Variants in LRMDA observed in about 807,000 individuals in gnomAD.
LRMDA encodes leucine-rich melanocyte differentiation-associated protein.
LRMDA carries 18 observed loss-of-function variants against 29.8 expected under a neutral mutation model. The ratio of observed to expected loss-of-function variants is 0.60; its 90% CI spans 0.42 to 0.90. The LOEUF is 0.90. LRMDA is among the 40% of genes least tolerant of loss of function. LRMDA has a pLI of 0.00. For missense variants in LRMDA, 273 were observed against 273.9 expected, an observed-to-expected ratio of 1.00 and a Z score of 0.02; for synonymous variants, 125 against 109.4, an observed-to-expected ratio of 1.14 and a Z score of -0.89.
chr10:75,643,453 G>T (rs1841478996), intron 2 of LRMDA, among the ~76,000 whole-genome samples: 1 of 152,158 alleles, frequency 6.6e-6, no homozygotes, highest in Admixed American at 6.5e-5. Context: ...ATCCCTTTAT[G>T]GTCCAGCCTC....
intron 2 of LRMDA, among the ~76,000 whole-genome samples, chr10:75,606,998 G>A (rs969155959): frequency 2.0e-5 from 3 of 152,218 alleles, no homozygotes; most frequent in Admixed American, 1.3e-4. Context: ...TAATTAGGAA[G>A]GAGGCCAGTT....
chr10:76,230,736 C>T (rs1388378528), intron 5 of LRMDA, among the ~76,000 whole-genome samples: 1 of 152,116 alleles, frequency 6.6e-6, no homozygotes, highest in African/African-American at 2.4e-5. Context: ...ATTTCAACAA[C>T]AAAGTGCTGA....
At chr10:75,664,661 A>G (rs1454365628) in intron 2 of LRMDA, among the ~76,000 whole-genome samples, 1 of 152,178 alleles carries the variant, frequency 6.6e-6, no homozygotes, top group Non-Finnish European at 1.5e-5. Flanking sequence ...GAGTTGGAAA[A>G]GATGGGAGAA....
chr10:75,775,846 T>C (rs1843304623), intron 2 of LRMDA, among the ~76,000 whole-genome samples: 1 of 152,166 alleles, frequency 6.6e-6, no homozygotes, highest in Non-Finnish European at 1.5e-5. Context: ...AGCGTAGAGG[T>C]AGACCTGGAA....
intron 2 of LRMDA, among the ~76,000 whole-genome samples, chr10:75,927,479 C>A (rs75215925): frequency 0.019 from 2,843 of 152,292 alleles, 61 homozygotes; most frequent in Non-Finnish European, 0.024. Context: ...TTCCAGCCCA[C>A]TCTTCCCAAC....
intron 2 of LRMDA, among the ~76,000 whole-genome samples, chr10:75,681,476 C>T (rs1441846639): frequency 6.6e-6 from 1 of 152,156 alleles, no homozygotes; most frequent in Non-Finnish European, 1.5e-5. Context: ...GGCTCTGCTC[C>T]AGGGTGCAGG....
intron 2 of LRMDA, among the ~76,000 whole-genome samples, chr10:75,630,137 T>A (rs546507879): frequency 6.6e-6 from 1 of 152,340 alleles, no homozygotes. Context: ...CCTGGGGTGA[T>A]CCCTTCTCGT....
intron 2 of LRMDA, among the ~76,000 whole-genome samples, chr10:75,993,219 T>C (rs986696225): frequency 6.6e-6 from 1 of 152,104 alleles, no homozygotes; most frequent in Non-Finnish European, 1.5e-5. Flanking sequence ...CAAAGCTACT[T>C]TTCTGTCCTA....
chr10:76,131,702 T>A (rs983712443), intron 5 of LRMDA, among the ~76,000 whole-genome samples: 1 of 152,192 alleles, frequency 6.6e-6, no homozygotes, highest in African/African-American at 2.4e-5. Flanking sequence ...TTAATTCATA[T>A]TGCATTGCTC....
intron 2 of LRMDA, among the ~76,000 whole-genome samples, chr10:75,582,016 C>T (rs992684637): frequency 2.0e-5 from 3 of 152,198 alleles, no homozygotes; most frequent in Non-Finnish European, 4.4e-5. Context: ...GGGTGGGCTC[C>T]CAAGGTCTTG....
rs1342234496 is a variant in LRMDA, at chr10:76,557,499, A to G, written c.*211A>G. On this transcript the variant is annotated 3_prime_UTR_variant, in exon 7 of 7. Transcript: ENST00000611255. ...ACTGAGTGGTCACATAGAGATTGAC[A>G]TGATTGCCCTTAAGCAGGTCTCATC... is the stretch of plus-strand genomic sequence containing the variant. The G allele has an allele frequency of 8.4e-6, 5 of 593,384 alleles. No individual in the cohort carries two copies. The highest frequency in any genetic ancestry group is 1.5e-5 in the Non-Finnish European group (5 of 334,802). 36.8% of individuals were successfully genotyped at this position (593,384 alleles called of 1,614,324 possible).
At position 76,330,425 on chromosome 10, in the gene LRMDA, C is replaced by G. The variant is rs146150947; in HGVS notation, c.601+5940C>G. Among the ~76,000 whole-genome samples the G allele has an allele frequency of 3.9e-3, 598 of 152,276 alleles. 3 individuals are homozygous for G. The highest frequency in any genetic ancestry group is 0.014 in the African/African-American group (567 of 41,560). On this transcript the variant is annotated intron_variant, in intron 6 of 6. Transcript: ENST00000611255. ...GCCTGTCTGTTCAGATTCTTCTTGG[C>G]CTCTCTATGTAGCATTCCTTCCCCT... is the stretch of plus-strand genomic sequence containing the variant.
intron 2 of LRMDA, among the ~76,000 whole-genome samples, chr10:75,558,528 TTTTTG>T (rs900209620): frequency 6.6e-6 from 1 of 151,952 alleles, no homozygotes; most frequent in African/African-American, 2.4e-5. Context: ...TATTTTTATT[TTTTTG>T]TTTTTTTATT....
In LRMDA at chr10:75,735,088, C is replaced by A. The variant is rs142130868; in HGVS notation, c.131+296594C>A. Among the ~76,000 whole-genome samples, 33 of 152,298 alleles carry A rather than the reference C, an allele frequency of 2.2e-4. No homozygotes were observed. In the East Asian group the frequency reaches 6.0e-3, roughly 28 times the overall value. ...CACAAGAGCAGTAATCTTTGTCCTC[C>A]GTGTTCACTAGTGTATCCCAAGTAC... is the stretch of plus-strand genomic sequence containing the variant. On this transcript the variant is annotated intron_variant, in intron 2 of 6. Coordinates refer to ENST00000611255, the MANE Select transcript of LRMDA (RefSeq NM_001305581.2).
chr10:75,928,223 A>T (rs1846152440), intron 2 of LRMDA, among the ~76,000 whole-genome samples: 1 of 151,980 alleles, frequency 6.6e-6, no homozygotes, highest in Admixed American at 6.6e-5. Context: ...GATGCTTTAC[A>T]ATGGAGGCTG....
At chr10:76,356,114 T>C (rs1172440664) in intron 6 of LRMDA, among the ~76,000 whole-genome samples, 1 of 152,210 alleles carries the variant, frequency 6.6e-6, no homozygotes, top group Non-Finnish European at 1.5e-5. Flanking sequence ...AGCCATTATG[T>C]GTTCATTTCT....
chr10:76,452,559 A>T (rs1230671995), intron 6 of LRMDA, among the ~76,000 whole-genome samples: 1 of 152,174 alleles, frequency 6.6e-6, no homozygotes. Flanking sequence ...GAAAGCTGGT[A>T]CAAAGATGTG....
chr10:75,758,308 G>A (rs570397649), intron 2 of LRMDA, among the ~76,000 whole-genome samples: 73 of 152,292 alleles, frequency 4.8e-4, no homozygotes, highest in African/African-American at 1.5e-3. Flanking sequence ...TTGAAAAGTC[G>A]GAAACTAAGT....
intron 6 of LRMDA, among the ~76,000 whole-genome samples, chr10:76,443,706 C>T (rs188841161): frequency 3.3e-5 from 5 of 152,270 alleles, no homozygotes; most frequent in Admixed American, 3.3e-4. Flanking sequence ...TGCCTATCAC[C>T]ACCAGCTATA....
Sources: gnomAD v4.1 joint callset for allele counts (sites outside exome capture counted in the v4.1 genomes callset) on GRCh38, gnomAD v4.1.1 for gene constraint, MANE v1.5 for transcripts, NCBI Gene and HGNC (gene_info 2026-07-23, HGNC 2026-07-21) for gene names.